The following RALYL variants were observed in gnomAD, a reference collection of about 807,000 sequenced individuals.
The protein encoded by RALYL is RNA-binding Raly-like protein.
Under a neutral mutation model 35.1 loss-of-function variants are expected in RALYL, and 29 were observed. The observed-to-expected ratio is 0.83, with a 90% CI of 0.61 to 1.13. The LOEUF (loss-of-function observed/expected upper bound fraction) is 1.13, where lower values mean the gene tolerates loss of function less well. RALYL is among the 50% of genes most tolerant of loss of function. The probability of loss-of-function intolerance (pLI) is 0.00; values close to 1 mark genes in which losing one functional copy is unlikely to be tolerated. For synonymous variants in RALYL, 120 were observed against 127.6 expected, an observed-to-expected ratio of 0.94 and a Z score of 0.40; for missense variants, 359 against 360.4, an observed-to-expected ratio of 1.00 and a Z score of 0.03.
rs1014328396 is a variant in RALYL, at chr8:84,604,472, C to T, written c.256+74895C>T. ...AAATGTACTGACAACTGTCCCTAAC[C>T]CTGGTGCCAAAAACATAGTCCCATC... On this transcript the variant is annotated intron_variant, in intron 2 of 8. Coordinates refer to ENST00000521268, the MANE Select transcript of RALYL (RefSeq NM_173848.7). Among the ~76,000 whole-genome samples the T allele has an allele frequency of 2.0e-5, 3 of 152,120 alleles. No homozygotes were observed. In the South Asian group the frequency reaches 6.2e-4, roughly 32 times the overall value.
intron 2 of RALYL, among the ~76,000 whole-genome samples, chr8:84,597,598 T>G (rs940968651): frequency 1.3e-5 from 2 of 152,120 alleles, no homozygotes; most frequent in African/African-American, 4.8e-5. Flanking sequence ...ATCAGCAAAC[T>G]ATAGCTTACA....
chr8:84,628,911 T>C (rs200636895), intron 2 of RALYL, among the ~76,000 whole-genome samples: 391 of 151,986 alleles, frequency 2.6e-3, no homozygotes, highest in East Asian at 7.2e-3. Context: ...TAAAAAAAAA[T>C]GTGGAGGATA....
chr8:84,308,533 A>C (rs117516245), intron 1 of RALYL, among the ~76,000 whole-genome samples: 3,746 of 152,270 alleles, frequency 0.025, 98 homozygotes, highest in Non-Finnish European at 0.031. Context: ...CTTGAATAAC[A>C]TTGAGGTCAC....
intron 1 of RALYL, among the ~76,000 whole-genome samples, chr8:84,370,973 G>T (rs1395076797): frequency 1.3e-5 from 2 of 151,840 alleles, no homozygotes; most frequent in Non-Finnish European, 2.9e-5. Context: ...ACCCATCTCT[G>T]GGTAAAAATC....
intron 6 of RALYL, among the ~76,000 whole-genome samples, chr8:84,872,272 T>C (rs922477658): frequency 2.0e-5 from 3 of 152,140 alleles, no homozygotes; most frequent in Non-Finnish European, 4.4e-5. Flanking sequence ...AGTCAAAAGA[T>C]TTAGGATTAA....
In RALYL at chr8:84,362,691, CCTAGTCCATAGAAAAATTGT is replaced by C. The variant is rs1372305605; in HGVS notation, c.-23-166605_-23-166586del. ...TATCCCAAAAATCATCTCCCCAACCCCTAGTCCATAGAAAAATTGTCTTTCAGGAAACCAGTCCCTGGTGT... is the reference window on the plus strand; with the variant it reads ...TATCCCAAAAATCATCTCCCCAACCCCTTTCAGGAAACCAGTCCCTGGTGT... On this transcript the variant is annotated intron_variant, in intron 1 of 8. Coordinates refer to ENST00000521268, the MANE Select transcript of RALYL (RefSeq NM_173848.7). Among the ~76,000 whole-genome samples, 3 of 152,182 alleles carry C rather than the reference CCTAGTCCATAGAAAAATTGT, an allele frequency of 2.0e-5. No homozygotes were observed. In the East Asian group the frequency reaches 5.8e-4, roughly 29 times the overall value.
chr8:84,229,249 A>G (rs1310668096), intron 1 of RALYL, among the ~76,000 whole-genome samples: 4 of 152,218 alleles, frequency 2.6e-5, no homozygotes, highest in Admixed American at 6.5e-5. Flanking sequence ...TAAAGGGAAA[A>G]TAGGAAGTCT....
At chr8:84,780,359 C>T (rs191715262) in intron 3 of RALYL, among the ~76,000 whole-genome samples, 2 of 152,200 alleles carry the variant, frequency 1.3e-5, no homozygotes, top group South Asian at 4.1e-4. Context: ...AGGATCCTAT[C>T]TTTCCTGTGC....
chr8:84,267,703 C>A (rs1042461407), intron 1 of RALYL, among the ~76,000 whole-genome samples: 4 of 152,160 alleles, frequency 2.6e-5, no homozygotes, highest in Non-Finnish European at 5.9e-5. Context: ...GCCAAAAAAA[C>A]AAACTGTTTA....
chr8:84,267,175 A>T (rs2131887406), intron 1 of RALYL, among the ~76,000 whole-genome samples: 1 of 152,206 alleles, frequency 6.6e-6, no homozygotes, highest in East Asian at 1.9e-4. Context: ...AAATGACCAA[A>T]ATCTATTCTT....
chr8:84,210,376 A>AT (rs35997676), intron 1 of RALYL, among the ~76,000 whole-genome samples: 28,490 of 149,760 alleles, frequency 0.19, 2,764 homozygotes, highest in Non-Finnish European at 0.21. Context: ...CTCAAATTGG[A>AT]TTTTTTTTTT....
intron 1 of RALYL, among the ~76,000 whole-genome samples, chr8:84,196,085 A>C (rs1815194177): frequency 6.6e-6 from 1 of 152,254 alleles, no homozygotes; most frequent in Non-Finnish European, 1.5e-5. Context: ...GATTTTTTAC[A>C]ATGGCTCTAA....
chr8:84,584,057 G>C (rs1276708997), intron 2 of RALYL, among the ~76,000 whole-genome samples: 1 of 152,048 alleles, frequency 6.6e-6, no homozygotes, highest in Non-Finnish European at 1.5e-5. Context: ...TCACATTATA[G>C]AGAATGGAGT....
chr8:84,843,251 T>A (rs1002386651), intron 4 of RALYL, among the ~76,000 whole-genome samples: 6 of 152,174 alleles, frequency 3.9e-5, no homozygotes, highest in African/African-American at 1.4e-4. Flanking sequence ...CTTAAGCTGA[T>A]AGGCAACTTC....
At chr8:84,528,581 A>G (rs923486037) in intron 1 of RALYL, among the ~76,000 whole-genome samples, 8 of 152,114 alleles carry the variant, frequency 5.3e-5, no homozygotes, top group African/African-American at 1.7e-4. Context: ...CAGTTACCTA[A>G]TCTACTAATT....
chr8:84,270,455 T>C (rs1834077462), intron 1 of RALYL, among the ~76,000 whole-genome samples: 1 of 151,398 alleles, frequency 6.6e-6, no homozygotes, highest in Non-Finnish European at 1.5e-5. Context: ...AGGGGGAGAA[T>C]ACTGACAGAA....
At chr8:84,513,330 A>AT (rs2057779058) in intron 1 of RALYL, among the ~76,000 whole-genome samples, 1 of 151,818 alleles carries the variant, frequency 6.6e-6, no homozygotes, top group South Asian at 2.1e-4. Context: ...GTTATTATTG[A>AT]TTTTTTGTGA....
intron 2 of RALYL, among the ~76,000 whole-genome samples, chr8:84,747,048 G>A (rs1808771047): frequency 6.6e-6 from 1 of 151,726 alleles, no homozygotes; most frequent in Admixed American, 6.6e-5. Flanking sequence ...TATTTTATCT[G>A]AGCATAAAAA....
intron 1 of RALYL, among the ~76,000 whole-genome samples, chr8:84,436,543 GTTTTTTTTTTTTTTTT>G (rs150233257): frequency 1.6e-5 from 1 of 62,396 alleles, no homozygotes; most frequent in African/African-American, 8.0e-5. Context: ...AATCATGGGA[GTTTTTTTTTTTTTTTT>G]TTTTTTTTTT....
Sources: gnomAD v4.1 joint callset for allele counts (sites outside exome capture counted in the v4.1 genomes callset) on GRCh38, gnomAD v4.1.1 for gene constraint, MANE v1.5 for transcripts, NCBI Gene and HGNC (gene_info 2026-07-23, HGNC 2026-07-21) for gene names.